The following ZNF234 variants were observed in gnomAD, a reference collection of about 807,000 sequenced individuals.
ZNF234 encodes C2-H2 type zinc finger protein.
ZNF234 carries 4 observed loss-of-function variants against 10.3 expected under a neutral mutation model. The ratio of observed to expected loss-of-function variants is 0.39; its 90% CI spans 0.19 to 0.89. The LOEUF (loss-of-function observed/expected upper bound fraction) is 0.89. ZNF234 is among the 40% of genes least tolerant of loss of function. ZNF234 has a pLI of 0.38. For missense variants in ZNF234, 711 were observed against 836.1 expected, an observed-to-expected ratio of 0.85 and a Z score of 1.85; for synonymous variants, 258 against 280.1, an observed-to-expected ratio of 0.92 and a Z score of 0.79.
At position 44,155,534 on chromosome 19, in the gene ZNF234, C is replaced by G. The variant is rs533630107; in HGVS notation, c.236-718C>G. On this transcript the variant is annotated intron_variant, in intron 5 of 5. Transcript: ENST00000426739. ...ATAAGGAGGAAGAGGAGGGGTTGGT[C>G]TTGCTGTCTCAGGGATGGCAGAGAT... 2.6e-5 allele frequency among the ~76,000 whole-genome samples: 4 copies of G among 152,194 alleles called. No individual in the cohort carries two copies. In the South Asian group the frequency reaches 8.3e-4, roughly 32 times the overall value.
chr19:44,155,352 T>C (rs1236007711), intron 5 of ZNF234, among the ~76,000 whole-genome samples: 1 of 152,186 alleles, frequency 6.6e-6, no homozygotes, highest in East Asian at 1.9e-4. Flanking sequence ...CTCTAAAACT[T>C]TACTCATGGC....
intron 4 of ZNF234, among the ~76,000 whole-genome samples, 174 bp from the exon 5 acceptor site, chr19:44,150,239 G>A (rs1179242584): frequency 6.6e-6 from 1 of 152,166 alleles, no homozygotes; most frequent in Non-Finnish European, 1.5e-5. Context: ...ACATATTTAT[G>A]TCTATGTGTC....
At chr19:44,144,098 A>G (rs1457487728) in intron 2 of ZNF234, among the ~76,000 whole-genome samples, 20 of 152,106 alleles carry the variant, frequency 1.3e-4, no homozygotes, top group Admixed American at 1.3e-3. Context: ...TGTAGTAATC[A>G]TCATCATCAT....
At chr19:44,155,596 C>G (rs1968858600) in intron 5 of ZNF234, among the ~76,000 whole-genome samples, 1 of 152,086 alleles carries the variant, frequency 6.6e-6, no homozygotes, top group Admixed American at 6.5e-5. Context: ...ACATGCAGGT[C>G]AAACCTGTGT....
In ZNF234 at chr19:44,157,973, AAATGT is replaced by A; in HGVS notation, c.1958_1962del (p.Lys653ArgfsTer5). 6.2e-7 allele frequency: 1 copy of A among 1,613,962 alleles called. No homozygotes were observed. Among genetic ancestry groups the A allele is most frequent in the Non-Finnish European group, 8.5e-7 (1 of 1,179,866 alleles). On this transcript the variant is annotated frameshift_variant, in exon 6 of 6. Coordinates refer to ENST00000426739, the MANE Select transcript of ZNF234 (RefSeq NM_006630.3). LOFTEE classifies it low-confidence loss of function (END_TRUNC). ...AGTTCACACTGGGGAAAAACCTTAC[AAATGT>A]GAGATATGTGGTAAGAGGTTCAGCT...
chr19:44,155,966 G>A (rs550198201), intron 5 of ZNF234, among the ~76,000 whole-genome samples: 50 of 152,208 alleles, frequency 3.3e-4, no homozygotes, highest in African/African-American at 1.2e-3. Context: ...GATGGAAATG[G>A]CAGTACAATT....
At chr19:44,147,094 A>G (rs1332213999) in intron 3 of ZNF234, among the ~76,000 whole-genome samples, 1 of 151,542 alleles carries the variant, frequency 6.6e-6, no homozygotes, top group Non-Finnish European at 1.5e-5. Flanking sequence ...GATTACAGGC[A>G]TGAGCCACTG....
At chr19:44,155,626 T>C (rs1968859670) in intron 5 of ZNF234, among the ~76,000 whole-genome samples, 1 of 152,208 alleles carries the variant, frequency 6.6e-6, no homozygotes, top group Non-Finnish European at 1.5e-5. Flanking sequence ...GTCAACTGTA[T>C]TTTGAACATG....
intron 5 of ZNF234, among the ~76,000 whole-genome samples, chr19:44,152,517 G>A (rs1464470544): frequency 6.6e-6 from 1 of 152,178 alleles, no homozygotes; most frequent in Admixed American, 6.5e-5. Context: ...GAATGTTTGT[G>A]TGTGCACTTG....
rs531449569 is a variant in ZNF234 at position 44,145,915 on chromosome 19, C to T, written c.15+1268C>T. Among the ~76,000 whole-genome samples, 11 of 152,260 alleles carry T rather than the reference C, an allele frequency of 7.2e-5. 1 individual carries two copies. The highest frequency in any genetic ancestry group is 1.9e-4 in the East Asian group (1 of 5,192). On this transcript the variant is annotated intron_variant, in intron 3 of 5. Transcript: ENST00000426739. ...CCTTCATTTAAAATGTCCAGTGACA[C>T]GGAAGATTTGCCAGTCACTTGTGTT... is the stretch of plus-strand genomic sequence containing the variant.
Position 44,157,702 on chromosome 19 carries a change from C to T in ZNF234, c.1686C>T (p.His562=). ...SAHLQAHQKV[H]TGEKPYKCGE... is the part of the protein sequence containing the mutation. ...ACCTTCAAGCCCATCAAAAAGTCCA[C>T]ACTGGAGAAAAGCCATACAAATGTG... The change falls in exon 6 of 6, where the codon CAC becomes CAT. Residue 562 remains histidine (H), a synonymous_variant. Transcript: ENST00000426739. 2 of 1,614,086 alleles carry T rather than the reference C, an allele frequency of 1.2e-6. No individual in the cohort carries two copies. The highest frequency in any genetic ancestry group is 1.7e-6 in the Non-Finnish European group (2 of 1,180,026).
intron 5 of ZNF234, among the ~76,000 whole-genome samples, chr19:44,154,434 A>G (rs763793371): frequency 7.2e-5 from 11 of 151,978 alleles, no homozygotes; most frequent in Non-Finnish European, 1.3e-4. Flanking sequence ...AAGTTTCACC[A>G]TCTGCTTATC....
chr19:44,145,536 G>A lies in ZNF234; in HGVS notation c.15+889G>A, dbSNP rs561251834. Among the ~76,000 whole-genome samples the A allele has an allele frequency of 2.0e-3, 301 of 152,256 alleles. 4 individuals are homozygous for A. Among genetic ancestry groups the A allele is most frequent in the Non-Finnish European group, 3.5e-4 (24 of 68,002 alleles). ...GCCTCCCGAGAAGCTGGGATTACAGGCATGTGCCACCATGCCCAGCTAATT... is the reference window on the plus strand; with the variant it reads ...GCCTCCCGAGAAGCTGGGATTACAGACATGTGCCACCATGCCCAGCTAATT... On this transcript the variant is annotated intron_variant, in intron 3 of 5. Coordinates refer to ENST00000426739, the MANE Select transcript of ZNF234 (RefSeq NM_006630.3).
At position 44,157,120 on chromosome 19, in the gene ZNF234, A is replaced by G; in HGVS notation, c.1104A>G (p.Gly368=). 1 of 1,614,194 alleles carries G rather than the reference A, an allele frequency of 6.2e-7. No homozygotes were observed. The highest frequency in any genetic ancestry group is 8.5e-7 in the Non-Finnish European group (1 of 1,180,024). ...AGGCCCATCGGAGAATCCACACTGG[A>G]GAGAAACCATACGTATGTAAAGTGT... is the stretch of plus-strand genomic sequence containing the variant. The part of the protein sequence containing the change: ...QFQAHRRIHT[G]EKPYVCKVCG... The change falls in exon 6 of 6, where the codon GGA becomes GGG. Residue 368 remains glycine, a synonymous_variant. Coordinates refer to ENST00000426739, the MANE Select transcript of ZNF234 (RefSeq NM_006630.3).
Position 44,157,136 on chromosome 19 carries a change from T to G in ZNF234, c.1120T>G (p.Cys374Gly), listed in dbSNP as rs755419666. 12 of 1,614,202 alleles carry G rather than the reference T, an allele frequency of 7.4e-6. No individual in the cohort carries two copies. The highest frequency in any genetic ancestry group is 1.0e-5 in the Non-Finnish European group (12 of 1,180,028). ...RIHTGEKPYV[C>G]KVCGKGFIYS... Reference sequence around the variant, plus strand: ...CCACACTGGAGAGAAACCATACGTATGTAAAGTGTGTGGTAAGGGTTTCAT... The same window carrying G: ...CCACACTGGAGAGAAACCATACGTAGGTAAAGTGTGTGGTAAGGGTTTCAT... Residue 374 changes from cysteine (C) to glycine (G), a missense_variant, in exon 6 of 6, where the codon TGT (cysteine) becomes GGT (glycine). Coordinates refer to ENST00000426739, the MANE Select transcript of ZNF234 (RefSeq NM_006630.3).
rs2122159138 is a variant in ZNF234 at position 44,157,617 on chromosome 19, A to G, written c.1601A>G (p.His534Arg). The change falls in exon 6 of 6, where the codon CAC becomes CGC. Residue 534 changes from histidine to arginine, a missense_variant. Physicochemically the swap from His to Arg is conservative, Grantham distance 29 (BLOSUM62 0). Coordinates refer to ENST00000426739, the MANE Select transcript of ZNF234 (RefSeq NM_006630.3). The part of the protein sequence containing the change: ...ASHLLTHQRV[H>R]SGEKPFKCEE... ...CATCTTCTAACCCATCAGAGAGTTCACAGTGGGGAAAAACCATTTAAATGT... is the reference window on the plus strand; with the variant it reads ...CATCTTCTAACCCATCAGAGAGTTCGCAGTGGGGAAAAACCATTTAAATGT... The G allele has an allele frequency of 6.2e-7, 1 of 1,614,100 alleles. No homozygotes were observed. Among genetic ancestry groups the G allele is most frequent in the Non-Finnish European group, 8.5e-7 (1 of 1,180,016 alleles).
chr19:44,150,973 A>G (rs1357138685), intron 5 of ZNF234, among the ~76,000 whole-genome samples: 1 of 151,480 alleles, frequency 6.6e-6, no homozygotes, highest in Non-Finnish European at 1.5e-5. Context: ...GGCAGGTTGC[A>G]GTGAGCCAAG....
chr19:44,154,510 C>G (rs1439536392), intron 5 of ZNF234, among the ~76,000 whole-genome samples: 3 of 152,046 alleles, frequency 2.0e-5, no homozygotes, highest in Non-Finnish European at 4.4e-5. Context: ...GTTAACCATT[C>G]CAGTCACCTG....
At chr19:44,151,375 G>T (rs904356150) in intron 5 of ZNF234, among the ~76,000 whole-genome samples, 5 of 151,894 alleles carry the variant, frequency 3.3e-5, no homozygotes, top group African/African-American at 1.2e-4. Context: ...GCGGATTTTT[G>T]TATTTTTTAT....
Sources: gnomAD v4.1 joint callset for allele counts (sites outside exome capture counted in the v4.1 genomes callset) on GRCh38, gnomAD v4.1.1 for gene constraint, MANE v1.5 for transcripts, NCBI Gene and HGNC (gene_info 2026-07-23, HGNC 2026-07-21) for gene names.